UAP1: variants seen among roughly 807,000 people sequenced by gnomAD.
UAP1 encodes the protein UDP-N-acetylglucosamine pyrophosphorylase 1.
In UAP1, 25 loss-of-function variants were observed where a neutral mutation model predicts 58.5. The ratio of observed to expected loss-of-function variants is 0.43; its 90% CI spans 0.31 to 0.60. The LOEUF (loss-of-function observed/expected upper bound fraction) is 0.60, where lower values mean the gene tolerates loss of function less well. Ranked by LOEUF, UAP1 falls within the 20% of genes least tolerant of loss-of-function variation. The probability of loss-of-function intolerance (pLI) is 0.11; values close to 1 mark genes in which losing one functional copy is unlikely to be tolerated. For synonymous variants in UAP1, 208 were observed against 213.0 expected (o/e 0.98, Z 0.21); for missense variants, 575 against 630.0 (o/e 0.91, Z 0.93).
At chr1:162,571,764 A>G (rs1653878704) in intron 2 of UAP1, among the ~76,000 whole-genome samples, 1 of 152,240 alleles carries the variant, frequency 6.6e-6, no homozygotes, top group Non-Finnish European at 1.5e-5. Flanking sequence ...CTGTCATCAT[A>G]AGACAGATAC....
intron 9 of UAP1, among the ~76,000 whole-genome samples, chr1:162,596,178 G>A (rs1184359763): frequency 6.6e-6 from 1 of 151,356 alleles, no homozygotes; most frequent in Non-Finnish European, 1.5e-5. Flanking sequence ...ATTAATTAAT[G>A]TATTTATTTA....
At chr1:162,586,550 T>C (rs937210214) in intron 5 of UAP1, among the ~76,000 whole-genome samples, 7 of 152,176 alleles carry the variant, frequency 4.6e-5, no homozygotes, top group African/African-American at 1.4e-4. Flanking sequence ...TTGACAAATA[T>C]TTTTTATTGT....
chr1:162,570,587 A>G (rs1321647848), intron 2 of UAP1, among the ~76,000 whole-genome samples: 1 of 152,184 alleles, frequency 6.6e-6, no homozygotes, highest in Non-Finnish European at 1.5e-5. Flanking sequence ...ATCACATGCC[A>G]TTATTATACC....
At chr1:162,579,536 G>A in exon 4 of UAP1, 1 of 1,610,672 alleles carries the variant, frequency 6.2e-7, no homozygotes, top group Non-Finnish European at 8.5e-7. Flanking sequence ...AGCAAGGAAT[G>A]CTCCCCGCCA....
chr1:162,597,183 A>C (rs1655667293), intron 9 of UAP1: 1 of 152,208 alleles, frequency 6.6e-6, no homozygotes, highest in Non-Finnish European at 1.5e-5. Context: ...AATGTTGCAT[A>C]TCTTTGTTGT....
chr1:162,572,583 CAT>C lies in UAP1; in HGVS notation c.281-4193_281-4192del, dbSNP rs61396614. On this transcript the variant is annotated intron_variant, in intron 2 of 10. Transcript: ENST00000271469. The stretch of plus-strand genomic sequence containing the variant: ...GTTAAGAGTAAAACAACTTAAAACA[CAT>C]GTGCCATATGAAGAAAATGTACTGT... Among the ~76,000 whole-genome samples the C allele has an allele frequency of 2.0e-3, 309 of 152,304 alleles. 6 individuals carry two copies. The East Asian group carries it at 0.05, about 25-fold the overall frequency.
chr1:162,597,448 A>G (rs971741807), intron 9 of UAP1: 5 of 197,526 alleles, frequency 2.5e-5, no homozygotes, highest in African/African-American at 1.2e-4. Flanking sequence ...GGCTTGGCAT[A>G]TAGTATATAC....
intron 4 of UAP1, among the ~76,000 whole-genome samples, chr1:162,580,114 G>T (rs1357298007): frequency 6.6e-6 from 1 of 152,070 alleles, no homozygotes; most frequent in African/African-American, 2.4e-5. Flanking sequence ...TGATGTACCT[G>T]CCTTGGCCTC....
chr1:162,564,482 A>G (rs1044990702), intron 1 of UAP1, among the ~76,000 whole-genome samples: 5 of 152,208 alleles, frequency 3.3e-5, no homozygotes, highest in African/African-American at 1.2e-4. Flanking sequence ...AGCAATTATA[A>G]TGCAGTGATG....
At chr1:162,566,428 A>G in intron 2 of UAP1, 80 bp downstream of exon 2, 1 of 1,426,464 alleles carries the variant, frequency 7.0e-7, no homozygotes, top group South Asian at 1.4e-5. Context: ...TCATGTCACT[A>G]ATATTTTGAT....
At chr1:162,583,452 T>C (rs1441398858) in intron 5 of UAP1, among the ~76,000 whole-genome samples, 1 of 150,422 alleles carries the variant, frequency 6.6e-6, no homozygotes, top group African/African-American at 2.4e-5. Flanking sequence ...CGTGCCCAGC[T>C]GGTGTCACTC....
intron 9 of UAP1, among the ~76,000 whole-genome samples, chr1:162,593,981 A>G (rs932814968): frequency 1.3e-5 from 2 of 152,022 alleles, no homozygotes; most frequent in Admixed American, 6.6e-5. Flanking sequence ...GATCTGATCA[A>G]TTTCTTATAG....
exon 10 of UAP1, chr1:162,597,846 C>A: frequency 6.2e-7 from 1 of 1,612,576 alleles, no homozygotes; most frequent in Non-Finnish European, 8.5e-7. Flanking sequence ...CTCTTATCTC[C>A]TATGCTGGAG....
chr1:162,571,197 C>T lies in UAP1; in HGVS notation c.280+4849C>T, dbSNP rs1175556802. ...AGGCTGGAGTGCAATGGCATGATCT[C>T]GGCTCACTGCAACCTCTGCCTCCCA... On this transcript the variant is annotated intron_variant, in intron 2 of 10. Coordinates refer to ENST00000271469, the Ensembl canonical transcript of UAP1. Among the ~76,000 whole-genome samples the T allele has an allele frequency of 5.3e-5, 8 of 151,196 alleles. No homozygotes were observed. In the South Asian group the frequency reaches 8.4e-4, roughly 16 times the overall value.
At chr1:162,565,021 A>AC (rs1188599121) in intron 1 of UAP1, among the ~76,000 whole-genome samples, 1 of 152,016 alleles carries the variant, frequency 6.6e-6, no homozygotes, top group Non-Finnish European at 1.5e-5. Flanking sequence ...GGCATATGTT[A>AC]CCACATCTGG....
Position 162,574,413 on chromosome 1 carries a change from T to G in UAP1, c.281-2364T>G, listed in dbSNP as rs1466672315. 5.9e-5 allele frequency among the ~76,000 whole-genome samples: 9 copies of G among 152,330 alleles called. No individual in the cohort carries two copies. The East Asian group carries it at 1.2e-3, about 20-fold the overall frequency. On this transcript the variant is annotated intron_variant, in intron 2 of 10. Transcript: ENST00000271469. ...TGGCCGGGTTTATTTTTCTTTATGT[T>G]GTTGACCTACTAGTGTATTAGCTTT...
chr1:162,588,154 T>C (rs1655019272), intron 6 of UAP1: 1 of 154,414 alleles, frequency 6.5e-6, no homozygotes, highest in Non-Finnish European at 1.4e-5. Flanking sequence ...AAGAAATTAC[T>C]TGACACCTGC....
chr1:162,599,413 A>G (rs1472601341), exon 11 of UAP1: 1 of 1,217,944 alleles, frequency 8.2e-7, no homozygotes, highest in Admixed American at 1.8e-5. Context: ...TTTATTTTTG[A>G]TAGACCAACT....
intron 9 of UAP1, among the ~76,000 whole-genome samples, chr1:162,594,126 A>G (rs1473487790): frequency 1.3e-5 from 2 of 152,202 alleles, no homozygotes; most frequent in Non-Finnish European, 2.9e-5. Flanking sequence ...AGTACACTTT[A>G]TTTCTATTAT....
Sources: gnomAD v4.1 joint callset for allele counts (sites outside exome capture counted in the v4.1 genomes callset) on GRCh38, gnomAD v4.1.1 for gene constraint, MANE v1.5 for transcripts, NCBI Gene and HGNC (gene_info 2026-07-23, HGNC 2026-07-21) for gene names.